PCNX2: variants seen among roughly 807,000 people sequenced by gnomAD.
The protein encoded by PCNX2 is pecanex 2, also known as pecanex-like protein 2.
In PCNX2, 168 loss-of-function variants were observed where a neutral mutation model predicts 223.8. That is an observed-to-expected ratio of 0.75 (90% confidence interval 0.66 to 0.85). The LOEUF is 0.85. Among genes scored for constraint, PCNX2 ranks in the 40% least tolerant of loss-of-function variants. The pLI is 0.00. For missense variants in PCNX2, 2,507 were observed against 2,675.5 expected, an observed-to-expected ratio of 0.94 and a Z score of 1.39; for synonymous variants, 1,006 against 1,052.6, an observed-to-expected ratio of 0.96 and a Z score of 0.86.
intron 23 of PCNX2, among the ~76,000 whole-genome samples, chr1:233,086,696 A>G (rs1673621628): frequency 6.6e-6 from 1 of 152,012 alleles, no homozygotes; most frequent in African/African-American, 2.4e-5. Flanking sequence ...ATAATAAAAT[A>G]AAAATAAAAT....
chr1:233,231,088 A>G (rs1658032859), intron 9 of PCNX2, among the ~76,000 whole-genome samples: 1 of 152,172 alleles, frequency 6.6e-6, no homozygotes, highest in African/African-American at 2.4e-5. Flanking sequence ...AAAGAAACTG[A>G]GGCTCTGAGA....
intron 21 of PCNX2, among the ~76,000 whole-genome samples, chr1:233,119,147 A>C (rs1158772168): frequency 6.6e-6 from 1 of 152,120 alleles, no homozygotes; most frequent in African/African-American, 2.4e-5. Context: ...AATTAGATAT[A>C]AATAGGCAAA....
chr1:233,141,535 A>G (rs922728431), intron 19 of PCNX2, among the ~76,000 whole-genome samples: 1 of 152,058 alleles, frequency 6.6e-6, no homozygotes, highest in African/African-American at 2.4e-5. Flanking sequence ...GCATGGTGGC[A>G]TGTGCCTGTA....
chr1:233,178,440 G>T (rs964990815), intron 16 of PCNX2, among the ~76,000 whole-genome samples: 3 of 152,146 alleles, frequency 2.0e-5, no homozygotes, highest in South Asian at 2.1e-4. Flanking sequence ...GGCATCACAT[G>T]AAAGATTTCC....
Position 232,988,420 on chromosome 1 carries a change from CTTT to C in PCNX2, c.5792-1883_5792-1881del, listed in dbSNP as rs66592819. ...CATTGCTTCAGGTTTTCTCATTGCT[CTTT>C]TTTTTTTTTAATTAATTTTGCAAAT... On this transcript the variant is annotated intron_variant, in intron 32 of 33. Transcript: ENST00000258229. Among the ~76,000 whole-genome samples, 866 of 147,600 alleles carry C rather than the reference CTTT, an allele frequency of 5.9e-3. 6 individuals carry two copies. The highest frequency in any genetic ancestry group is 0.012 in the East Asian group (62 of 5,036).
intron 23 of PCNX2, among the ~76,000 whole-genome samples, chr1:233,081,612 TCAC>T (rs1488132512): frequency 6.6e-6 from 1 of 152,212 alleles, no homozygotes; most frequent in African/African-American, 2.4e-5. Context: ...AAGTGGCCAC[TCAC>T]CACGCTTTCT....
In PCNX2 at chr1:232,984,264, G is replaced by A. The variant is rs915774472; in HGVS notation, c.*40C>T. Reference sequence around the variant, plus strand: ...ACGAGGGAGAGCAATGCAGGTGGGAGGTGTGGGGGAGCCAGCCTCCCCGCC... The same window carrying A: ...ACGAGGGAGAGCAATGCAGGTGGGAAGTGTGGGGGAGCCAGCCTCCCCGCC... On this transcript the variant is annotated 3_prime_UTR_variant, in exon 34 of 34. Transcript: ENST00000258229. 2.6e-6 allele frequency: 4 copies of A among 1,533,436 alleles called. No individual in the cohort carries two copies. The highest frequency in any genetic ancestry group is 1.4e-5 in the African/African-American group (1 of 73,178). The allele number at this position is 1,533,436 out of a possible 1,614,324, so 95.0% of individuals were successfully genotyped here. A position where few individuals can be genotyped will look rare whatever the true frequency, so the allele number is the denominator to read the frequency against.
At position 233,220,031 on chromosome 1, in the gene PCNX2, T is replaced by C. The variant is rs74838236; in HGVS notation, c.2505-1847A>G. Among the ~76,000 whole-genome samples, 938 of 152,316 alleles carry C rather than the reference T, an allele frequency of 6.2e-3. 12 individuals are homozygous for C. Among genetic ancestry groups the C allele is most frequent in the African/African-American group, 0.021 (880 of 41,572 alleles). ...CCAGAGGACCATATAGTTGGAACCA[T>C]ACGGTATGTAGCCTTTGCATATTGG... On this transcript the variant is annotated intron_variant, in intron 10 of 33. Transcript: ENST00000258229.
At chr1:233,192,721 A>G (rs1006434328) in intron 15 of PCNX2, among the ~76,000 whole-genome samples, 1 of 152,096 alleles carries the variant, frequency 6.6e-6, no homozygotes, top group Non-Finnish European at 1.5e-5. Flanking sequence ...TTCAAACTGC[A>G]ATTTATCAGT....
intron 1 of PCNX2, among the ~76,000 whole-genome samples, chr1:233,284,812 C>A (rs1661361407): frequency 6.6e-6 from 1 of 152,068 alleles, no homozygotes; most frequent in African/African-American, 2.4e-5. Flanking sequence ...AGTCTGAAGG[C>A]AAGAAGTATT....
intron 26 of PCNX2, among the ~76,000 whole-genome samples, chr1:233,023,825 C>T (rs1295986747): frequency 6.6e-6 from 1 of 152,206 alleles, no homozygotes; most frequent in Non-Finnish European, 1.5e-5. Context: ...AAGGGTTTTG[C>T]AAACATTTTG....
At chr1:233,243,486 G>A (rs1170871950) in intron 8 of PCNX2, among the ~76,000 whole-genome samples, 1 of 152,126 alleles carries the variant, frequency 6.6e-6, no homozygotes, top group Non-Finnish European at 1.5e-5. Flanking sequence ...TAAAAGCCAA[G>A]GACATAATAT....
intron 9 of PCNX2, among the ~76,000 whole-genome samples, chr1:233,233,721 A>T (rs1658214042): frequency 6.6e-6 from 1 of 151,888 alleles, no homozygotes; most frequent in Non-Finnish European, 1.5e-5. Flanking sequence ...CTTGAAGGAG[A>T]GAGGCAGGGA....
intron 21 of PCNX2, among the ~76,000 whole-genome samples, chr1:233,127,643 G>C (rs1213371305): frequency 2.0e-5 from 3 of 152,052 alleles, no homozygotes; most frequent in Non-Finnish European, 4.4e-5. Context: ...TTTGAATCCT[G>C]CCCTACCATT....
chr1:233,326,609 A>C, the PCNX2 span, among the ~76,000 whole-genome samples: 5 of 152,244 alleles, frequency 3.3e-5, no homozygotes, highest in South Asian at 1.0e-3. Flanking sequence ...TGAGAGACAA[A>C]GAAAACTGAA....
chr1:233,058,665 C>CTTTTTTTTTTTTTTTTTTTTTT (rs771648037), intron 23 of PCNX2: 1 of 119,810 alleles, frequency 8.3e-6, no homozygotes, highest in Non-Finnish European at 1.7e-5. Flanking sequence ...CTTTTCTTTT[C>CTTTTTTTTTTTTTTTTTTTTTT]TTTTTTTTTT....
At position 233,236,892 on chromosome 1, in the gene PCNX2, G is replaced by A. The variant is rs748836143; in HGVS notation, c.2311C>T (p.Gln771Ter). ...GDPAVSALQQQLLLMVARRTQ... is the reference protein window; with the variant it reads ...GDPAVSALQQ ...CTGCGAGCCACCATCAGTAACAGCT[G>A]TTGCTGAAGGGCACTGACGGCAGGG... The change falls in exon 9 of 34, where the codon CAG (glutamine) becomes TAG (stop). Residue 771 changes from glutamine to a stop codon, truncating the protein, a stop_gained. Coordinates refer to ENST00000258229, the MANE Select transcript of PCNX2 (RefSeq NM_014801.4). LOFTEE classifies it high-confidence loss of function. 3 of 1,613,878 alleles carry A rather than the reference G, an allele frequency of 1.9e-6. No individual in the cohort carries two copies. Among genetic ancestry groups the A allele is most frequent in the Non-Finnish European group, 2.5e-6 (3 of 1,179,878 alleles).
chr1:233,059,954 A>C (rs1233838708), intron 23 of PCNX2, among the ~76,000 whole-genome samples: 1 of 152,232 alleles, frequency 6.6e-6, no homozygotes, highest in Non-Finnish European at 1.5e-5. Context: ...ATTTGAATAA[A>C]TGAAAAGGCT....
Position 233,179,104 on chromosome 1 carries a change from G to T in PCNX2, c.3138C>A (p.Tyr1046Ter). The change falls in exon 16 of 34, where the codon TAC becomes TAA. Residue 1046 changes from tyrosine (Y) to a stop codon, truncating the protein, a stop_gained. Transcript: ENST00000258229. LOFTEE classifies it high-confidence loss of function. The part of the protein sequence containing the change: ...AFCGLLVALS[Y>*]HLSRQSSDPS... Reference sequence around the variant, plus strand: ...GGTCACTGCTCTGACGGCTCAGATGGTAAGAAAGGGCGACCAAGAGGCCAC... The same window carrying T: ...GGTCACTGCTCTGACGGCTCAGATGTTAAGAAAGGGCGACCAAGAGGCCAC... 1 of 1,613,902 alleles carries T rather than the reference G, an allele frequency of 6.2e-7. No individual in the cohort carries two copies. Among genetic ancestry groups the T allele is most frequent in the Non-Finnish European group, 8.5e-7 (1 of 1,179,836 alleles).
Sources: gnomAD v4.1 joint callset for allele counts (sites outside exome capture counted in the v4.1 genomes callset) on GRCh38, gnomAD v4.1.1 for gene constraint, MANE v1.5 for transcripts, NCBI Gene and HGNC (gene_info 2026-07-23, HGNC 2026-07-21) for gene names.